The following TRRAP variants were observed in gnomAD, a reference collection of about 807,000 sequenced individuals.
TRRAP encodes transformation/transcription domain associated protein.
A neutral mutation model predicts 438.8 loss-of-function variants in TRRAP; 41 were observed. The ratio of observed to expected loss-of-function variants is 0.09; its 90% CI spans 0.07 to 0.12. The LOEUF (loss-of-function observed/expected upper bound fraction) is 0.12, where lower values mean the gene tolerates loss of function less well. Ranked by LOEUF, TRRAP falls within the 10% of genes least tolerant of loss-of-function variation. The pLI is 1.00. For synonymous variants in TRRAP, 1,994 were observed against 1,962.9 expected (o/e 1.02, Z -0.42); for missense variants, 3,122 against 5,055.1 (o/e 0.62, Z 11.60).
chr7:98,937,416 C>G, intron 29 of TRRAP, 139 bp downstream of exon 29: 4 of 1,265,250 alleles, frequency 3.2e-6, no homozygotes, highest in Non-Finnish European at 3.2e-6. Context: ...TTATTACACA[C>G]TAAACTGTAA....
At chr7:98,912,900 C>T (rs1428033855) in intron 18 of TRRAP, among the ~76,000 whole-genome samples, 1 of 152,110 alleles carries the variant, frequency 6.6e-6, no homozygotes, top group Non-Finnish European at 1.5e-5. Flanking sequence ...TCTCCCAGAG[C>T]TGGGGTCTTG....
At chr7:98,901,673 C>T (rs1433611295) in intron 11 of TRRAP, among the ~76,000 whole-genome samples, 1 of 152,104 alleles carries the variant, frequency 6.6e-6, no homozygotes, top group Non-Finnish European at 1.5e-5. Context: ...CTCAGCCACT[C>T]GAGTAGCTAG....
At chr7:98,915,467 C>T (rs782707266) in intron 18 of TRRAP, among the ~76,000 whole-genome samples, 20 of 152,218 alleles carry the variant, frequency 1.3e-4, no homozygotes, top group Admixed American at 1.2e-3. Context: ...GCTGGGATTA[C>T]AGGCCGGAGC....
At chr7:98,882,186 G>A (rs947766111) in intron 3 of TRRAP, among the ~76,000 whole-genome samples, 162 bp downstream of exon 3, 9 of 152,090 alleles carry the variant, frequency 5.9e-5, no homozygotes, top group East Asian at 1.9e-4. Context: ...TGTACACAGC[G>A]TTTTCCATCT....
intron 46 of TRRAP, 118 bp downstream of exon 46, chr7:98,961,592 C>G: frequency 8.0e-7 from 1 of 1,249,486 alleles, no homozygotes; most frequent in Non-Finnish European, 1.1e-6. Flanking sequence ...ACTTTCCTTT[C>G]TACTTGCAAA....
intron 67 of TRRAP, among the ~76,000 whole-genome samples, chr7:99,003,562 G>T (rs930490178): frequency 2.6e-5 from 4 of 152,132 alleles, no homozygotes; most frequent in Admixed American, 6.5e-5. Context: ...GTCTCCCAGG[G>T]CCCCAGCCTC....
intron 53 of TRRAP, among the ~76,000 whole-genome samples, chr7:98,975,203 A>G (rs1792601519): frequency 6.6e-6 from 1 of 152,124 alleles, no homozygotes; most frequent in Non-Finnish European, 1.5e-5. Flanking sequence ...AAATGTTTTC[A>G]CCCATTTTCC....
Position 98,962,321 on chromosome 7 carries a change from C to T in TRRAP, c.6723C>T (p.Ser2241=). The change falls in exon 47 of 73, where the codon TCC becomes TCT. Residue 2241 remains serine (S), a synonymous_variant. Transcript: ENST00000456197. ...TTGTAGGTACTTCCAGTGTGGCCTC[C>T]AAATATGAAGAGCTGGAGTGCCTCT... ...PTEPSTSSVA[S]KYEELECLYA... The T allele has an allele frequency of 6.2e-7, 1 of 1,614,144 alleles. No individual in the cohort carries two copies.
chr7:98,928,796 CAG>C (rs1162969796), intron 23 of TRRAP, among the ~76,000 whole-genome samples: 1 of 151,806 alleles, frequency 6.6e-6, no homozygotes, highest in Non-Finnish European at 1.5e-5. Flanking sequence ...TTTTTAGATA[CAG>C]AGTCTCACTT....
chr7:98,970,581 A>T (rs1792369369), intron 52 of TRRAP, among the ~76,000 whole-genome samples: 1 of 148,610 alleles, frequency 6.7e-6, no homozygotes, highest in Non-Finnish European at 1.5e-5. Flanking sequence ...TGAATGTGGT[A>T]CCTAAGTTCA....
intron 56 of TRRAP, among the ~76,000 whole-genome samples, chr7:98,977,504 G>A (rs117465686): frequency 0.017 from 2,531 of 152,326 alleles, 37 homozygotes; most frequent in Non-Finnish European, 0.025. Flanking sequence ...AGTCCCGCAC[G>A]TAAAGGCTCT....
At chr7:98,896,501 C>G (rs1554405764) in intron 7 of TRRAP, among the ~76,000 whole-genome samples, 1 of 152,120 alleles carries the variant, frequency 6.6e-6, no homozygotes, top group Non-Finnish European at 1.5e-5. Flanking sequence ...CCTCCACCTT[C>G]TGAGTTCAAG....
intron 62 of TRRAP, 77 bp downstream of exon 62, chr7:98,985,121 GTGAAGC>G: frequency 9.2e-7 from 1 of 1,090,156 alleles, no homozygotes; most frequent in Non-Finnish European, 1.4e-6. Context: ...TGAAGCCAAT[GTGAAGC>G]TCAAGCTAGA....
intron 23 of TRRAP, among the ~76,000 whole-genome samples, chr7:98,928,224 G>A (rs983547953): frequency 2.0e-4 from 30 of 151,798 alleles, no homozygotes; most frequent in Admixed American, 4.6e-4. Flanking sequence ...CAACAAGAGC[G>A]AAACTCCGTC....
Position 98,965,853 on chromosome 7 carries a change from G to A in TRRAP, c.7134G>A (p.Val2378=). ...TCCTCCGGGCTGTGGTCAAAATCGTGGAAGAATGGGTCAAGAATAACTCCC... is the reference window on the plus strand; with the variant it reads ...TCCTCCGGGCTGTGGTCAAAATCGTAGAAGAATGGGTCAAGAATAACTCCC... ...AKILRAVVKI[V]EEWVKNNSPM... Residue 2378 remains valine (V), a synonymous_variant, in exon 49 of 73, where the codon GTG becomes GTA. Coordinates refer to ENST00000456197, the MANE Select transcript of TRRAP (RefSeq NM_001375524.1). 1 of 1,614,144 alleles carries A rather than the reference G, an allele frequency of 6.2e-7. No homozygotes were observed. Among genetic ancestry groups the A allele is most frequent in the South Asian group, 1.1e-5 (1 of 91,072 alleles).
intron 69 of TRRAP, 125 bp from the exon 70 acceptor site, chr7:99,008,251 TC>T (rs1794282197): frequency 1.0e-6 from 1 of 992,600 alleles, no homozygotes; most frequent in Non-Finnish European, 1.5e-6. Context: ...ACCGGGTTCT[TC>T]CAGCTAAGCC....
At chr7:99,000,865 C>T (rs562647335) in intron 67 of TRRAP, among the ~76,000 whole-genome samples, 1 of 152,380 alleles carries the variant, frequency 6.6e-6, no homozygotes, top group Admixed American at 6.5e-5. Context: ...GCCCGGCCCC[C>T]TTCTCTGCCT....
chr7:98,982,882 G>A (rs527823403), intron 59 of TRRAP, among the ~76,000 whole-genome samples: 1 of 152,340 alleles, frequency 6.6e-6, no homozygotes, highest in Non-Finnish European at 1.5e-5. Context: ...AGGGATGCCA[G>A]GCTGTCCCGA....
rs933496043 is a variant in TRRAP, at chr7:99,012,938, G to T, written c.*583G>T. 3.9e-5 allele frequency: 6 copies of T among 152,424 alleles called. No homozygotes were observed. The highest frequency in any genetic ancestry group is 1.4e-4 in the African/African-American group (6 of 41,468). 9.4% of individuals were successfully genotyped at this position (152,424 alleles called of 1,614,324 possible). A position where few individuals can be genotyped will look rare whatever the true frequency, so the allele number is the denominator to read the frequency against. On this transcript the variant is annotated 3_prime_UTR_variant, in exon 73 of 73. Transcript: ENST00000456197. The surrounding 1 kb of genome is among the most constrained non-coding windows in gnomAD (Gnocchi z 5.9). ...TGGATCCACGGGGCCAGGCCACCCT[G>T]CGGGAGCGCCACACGCATCCACTTC...
Sources: gnomAD v4.1 joint callset for allele counts (sites outside exome capture counted in the v4.1 genomes callset) on GRCh38, gnomAD v4.1.1 for gene constraint, Gnocchi (gnomAD v3.1) non-coding constraint, MANE v1.5 for transcripts, NCBI Gene and HGNC (gene_info 2026-07-23, HGNC 2026-07-21) for gene names.